Variants in TBC1D5 observed in about 807,000 individuals in gnomAD.
The protein encoded by TBC1D5 is TBC1 domain family member 5, also known as TBC1 domain family, member 5.
Under a neutral mutation model 100.3 loss-of-function variants are expected in TBC1D5, and 75 were observed. The ratio of observed to expected loss-of-function variants is 0.75; its 90% CI spans 0.62 to 0.91. TBC1D5 has a LOEUF of 0.91. TBC1D5 is among the 40% of genes least tolerant of loss of function. The pLI, the probability that TBC1D5 is intolerant of heterozygous loss-of-function variation, is 0.00. For missense variants in TBC1D5, 910 were observed against 942.4 expected (o/e 0.97, Z 0.45); for synonymous variants, 323 against 325.6 (o/e 0.99, Z 0.09).
At chr3:17,677,781 T>C (rs1286371003) in intron 1 of TBC1D5, among the ~76,000 whole-genome samples, 2 of 151,960 alleles carry the variant, frequency 1.3e-5, no homozygotes, top group African/African-American at 4.8e-5. Context: ...ATTAAGAAAA[T>C]GTGGCACATA....
intron 1 of TBC1D5, among the ~76,000 whole-genome samples, chr3:17,729,016 TAA>T (rs34461809): frequency 2.5e-3 from 73 of 29,582 alleles, no homozygotes; most frequent in African/African-American, 7.1e-3. Context: ...TGAAAATCAG[TAA>T]AAAAAAAAAA....
chr3:17,290,038 G>A (rs543053744), intron 15 of TBC1D5, among the ~76,000 whole-genome samples: 1 of 152,250 alleles, frequency 6.6e-6, no homozygotes, highest in South Asian at 2.1e-4. Flanking sequence ...ATCATTCCAT[G>A]AACTTATTCT....
chr3:17,486,361 T>A (rs1336243136), intron 3 of TBC1D5, among the ~76,000 whole-genome samples: 3 of 152,222 alleles, frequency 2.0e-5, no homozygotes, highest in African/African-American at 7.2e-5. Flanking sequence ...CATTTGTCAA[T>A]TTTGGCTTTT....
chr3:17,336,968 T>C (rs920269091), intron 13 of TBC1D5, among the ~76,000 whole-genome samples: 1 of 152,118 alleles, frequency 6.6e-6, no homozygotes, highest in Non-Finnish European at 1.5e-5. Flanking sequence ...GATTGCCTAC[T>C]AAGAATCCAT....
chr3:17,461,039 T>G (rs2095197674), intron 3 of TBC1D5, among the ~76,000 whole-genome samples: 1 of 152,188 alleles, frequency 6.6e-6, no homozygotes, highest in African/African-American at 2.4e-5. Flanking sequence ...CACCACAATA[T>G]GCAAATCAGG....
intron 3 of TBC1D5, among the ~76,000 whole-genome samples, chr3:17,462,314 G>A (rs528865781): frequency 2.0e-5 from 3 of 147,382 alleles, no homozygotes; most frequent in East Asian, 2.0e-4. Flanking sequence ...TAAATGTTTC[G>A]GACCTTAATT....
At chr3:17,455,635 C>T (rs1290476631) in intron 3 of TBC1D5, among the ~76,000 whole-genome samples, 1 of 151,222 alleles carries the variant, frequency 6.6e-6, no homozygotes, top group Non-Finnish European at 1.5e-5. Flanking sequence ...CTCAGGAGTT[C>T]GAAACCAACC....
At chr3:17,555,108 C>T (rs968881793) in intron 2 of TBC1D5, among the ~76,000 whole-genome samples, 1 of 151,996 alleles carries the variant, frequency 6.6e-6, no homozygotes, top group African/African-American at 2.4e-5. Flanking sequence ...CTAGGCCTCC[C>T]AAAGTGCTGG....
intron 1 of TBC1D5, among the ~76,000 whole-genome samples, chr3:17,669,164 G>T (rs937393700): frequency 1.3e-5 from 2 of 152,080 alleles, no homozygotes; most frequent in Non-Finnish European, 2.9e-5. Flanking sequence ...TTTTTAAAAG[G>T]TAGTTTCCCC....
chr3:17,323,611 A>T (rs1480525560), intron 13 of TBC1D5, among the ~76,000 whole-genome samples: 1 of 152,176 alleles, frequency 6.6e-6, no homozygotes, highest in Non-Finnish European at 1.5e-5. Flanking sequence ...CCCATAAAAT[A>T]TTTAGGGATG....
Position 17,391,220 on chromosome 3 carries a change from T to C in TBC1D5, c.510-7205A>G, listed in dbSNP as rs976397423. Among the ~76,000 whole-genome samples, 6 of 152,288 alleles carry C rather than the reference T, an allele frequency of 3.9e-5. No homozygotes were observed. The South Asian group carries it at 1.0e-3, about 26-fold the overall frequency. On this transcript the variant is annotated intron_variant, in intron 8 of 21. Transcript: ENST00000253692. ...AATGGCATAAAAACGACATAGCTTC[T>C]ACATGGCTCTTCTTCTTTCTTGGAT...
Position 17,238,382 on chromosome 3 carries a change from C to A in TBC1D5, c.1369G>T (p.Val457Phe), listed in dbSNP as rs1053668921. ...CCAAAATTAATCAGGCTATTAGAGA[C>A]CTTATTTATATTCAGGGGAGCACCT... Residue 457 changes from valine (V) to phenylalanine (F), a missense_variant, in exon 17 of 22, where the codon GTC becomes TTC. Val to Phe is a conservative substitution (Grantham distance 50, BLOSUM62 -1). Transcript: ENST00000253692. 5 of 1,613,398 alleles carry A rather than the reference C, an allele frequency of 3.1e-6. No homozygotes were observed. The African/African-American group carries it at 5.3e-5, about 17-fold the overall frequency.
Position 17,401,312 on chromosome 3 carries a change from ATATG to A in TBC1D5, c.509+1865_509+1868del, listed in dbSNP as rs1416232571. On this transcript the variant is annotated intron_variant, in intron 8 of 21. Transcript: ENST00000253692. Reference sequence around the variant, plus strand: ...ATATGTATGTGTATAATACACATATATATGTATGTGTATAATATACATATATGTA... The same window carrying A: ...ATATGTATGTGTATAATACACATATATATGTGTATAATATACATATATGTA... 2.2e-4 allele frequency among the ~76,000 whole-genome samples: 26 copies of A among 117,568 alleles called. 2 individuals carry two copies. The highest frequency in any genetic ancestry group is 9.1e-4 in the African/African-American group (25 of 27,488). 77.1% of individuals were successfully genotyped at this position (117,568 alleles called of 152,430 possible). A position where few individuals can be genotyped will look rare whatever the true frequency, so the allele number is the denominator to read the frequency against.
In TBC1D5 at chr3:17,378,767, CT is replaced by C. The variant is rs202093055; in HGVS notation, c.613-2155del. On this transcript the variant is annotated intron_variant, in intron 9 of 21. Transcript: ENST00000253692. ...TGAGATTAGGAAAGAATACAGTTTCCTTTTTTTTTTTTCAGTTAATTCTTCA... is the reference window on the plus strand; with the variant it reads ...TGAGATTAGGAAAGAATACAGTTTCCTTTTTTTTTTTCAGTTAATTCTTCA... Among the ~76,000 whole-genome samples, 660 of 138,854 alleles carry C rather than the reference CT, an allele frequency of 4.8e-3. 4 individuals carry two copies. The highest frequency in any genetic ancestry group is 0.014 in the African/African-American group (534 of 37,646). The allele number at this position is 138,854 out of a possible 152,430, so 91.1% of individuals were successfully genotyped here.
chr3:17,461,632 C>G (rs940624927), intron 3 of TBC1D5, among the ~76,000 whole-genome samples: 2 of 151,446 alleles, frequency 1.3e-5, no homozygotes, highest in African/African-American at 2.4e-5. Flanking sequence ...GTCTCTTTTT[C>G]TGTGTGTGTA....
At chr3:17,476,024 C>T (rs766304569) in intron 3 of TBC1D5, among the ~76,000 whole-genome samples, 1 of 152,014 alleles carries the variant, frequency 6.6e-6, no homozygotes, top group Non-Finnish European at 1.5e-5. Flanking sequence ...TCCTTTACTA[C>T]AAAATATAGG....
chr3:17,179,667 A>G (rs1249242418), intron 19 of TBC1D5, among the ~76,000 whole-genome samples: 1 of 152,218 alleles, frequency 6.6e-6, no homozygotes, highest in Non-Finnish European at 1.5e-5. Flanking sequence ...AAGAACAGCT[A>G]GGTTGACTTC....
intron 8 of TBC1D5, among the ~76,000 whole-genome samples, chr3:17,390,935 A>C (rs1207224871): frequency 6.6e-6 from 1 of 152,046 alleles, no homozygotes; most frequent in African/African-American, 2.4e-5. Context: ...ACATAGCTGG[A>C]TTTAATTTCC....
intron 15 of TBC1D5, among the ~76,000 whole-genome samples, chr3:17,268,649 T>C (rs2079067281): frequency 6.6e-6 from 1 of 152,120 alleles, no homozygotes; most frequent in African/African-American, 2.4e-5. Context: ...TGAGTGTTAT[T>C]AGTGACAATG....
Sources: allele counts gnomAD v4.1 joint callset (sites outside exome capture counted in the v4.1 genomes callset), GRCh38; gene constraint gnomAD v4.1.1; transcripts MANE v1.5; gene names NCBI Gene and HGNC (gene_info 2026-07-23, HGNC 2026-07-21).